CCL16: variants seen among roughly 807,000 people sequenced by gnomAD.
The protein encoded by CCL16 is C-C motif chemokine 16.
In CCL16, 6 loss-of-function variants were observed where a neutral mutation model predicts 7.5. That is an observed-to-expected ratio of 0.80 (90% confidence interval 0.44 to 1.57). CCL16 has a LOEUF of 1.57. Among genes scored for constraint, CCL16 ranks in the 40% most tolerant of loss-of-function variants. CCL16 has a pLI of 0.01. For synonymous variants in CCL16, 60 were observed against 57.7 expected, an observed-to-expected ratio of 1.04 and a Z score of -0.18; for missense variants, 134 against 142.9, an observed-to-expected ratio of 0.94 and a Z score of 0.32.
chr17:35,978,559 G>A (rs750583100), intron 1 of CCL16, among the ~76,000 whole-genome samples: 1 of 150,778 alleles, frequency 6.6e-6, no homozygotes, highest in Non-Finnish European at 1.5e-5. Flanking sequence ...ACTTGATCGG[G>A]CAAACATGTG....
rs2089678637 is a variant in CCL16 at position 35,981,257 on chromosome 17, A to G, written c.76+88T>C. On this transcript the variant is annotated intron_variant, in intron 1 of 2. Coordinates refer to ENST00000611905, the MANE Select transcript of CCL16 (RefSeq NM_004590.4). ...AGCCCACAGGGTCTTATGAGGCCAG[A>G]GACCCGACAGCGCCCTTGGCACTAC... 3 of 850,230 alleles carry G rather than the reference A, an allele frequency of 3.5e-6. No individual in the cohort carries two copies. The Admixed American group carries it at 6.4e-5, about 18-fold the overall frequency. 52.7% of individuals were successfully genotyped at this position (850,230 alleles called of 1,614,324 possible). A position where few individuals can be genotyped will look rare whatever the true frequency, so the allele number is the denominator to read the frequency against.
In CCL16 at chr17:35,976,855, G is replaced by A. The variant is rs182708017; in HGVS notation, c.*711C>T. ...CCAGAAAAATCCATAAAGATGGACA[G>A]GAAAAATCAAGAGTTCTATGGGGCT... is the stretch of plus-strand genomic sequence containing the variant. On this transcript the variant is annotated 3_prime_UTR_variant, in exon 3 of 3. Coordinates refer to ENST00000611905, the MANE Select transcript of CCL16 (RefSeq NM_004590.4). 5 of 152,242 alleles carry A rather than the reference G, an allele frequency of 3.3e-5. No homozygotes were observed. The highest frequency in any genetic ancestry group is 3.3e-4 in the Admixed American group (5 of 15,296). 9.4% of individuals were successfully genotyped at this position (152,242 alleles called of 1,614,324 possible).
Position 35,977,467 on chromosome 17 carries a change from T to C in CCL16, c.*99A>G. 1.0e-6 allele frequency: 1 copy of C among 984,456 alleles called. No individual in the cohort carries two copies. Among genetic ancestry groups the C allele is most frequent in the Non-Finnish European group, 1.5e-6 (1 of 651,766 alleles). The allele number at this position is 984,456 out of a possible 1,614,324, so 61.0% of individuals were successfully genotyped here. On this transcript the variant is annotated 3_prime_UTR_variant, in exon 3 of 3. Coordinates refer to ENST00000611905, the MANE Select transcript of CCL16 (RefSeq NM_004590.4). Reference sequence around the variant, plus strand: ...TATTTTGATCATTGTTCTGCTTCTCTCAATGTGACTGGCTAGTTTCAGCCT... The same window carrying C: ...TATTTTGATCATTGTTCTGCTTCTCCCAATGTGACTGGCTAGTTTCAGCCT...
At chr17:35,980,224 C>A (rs1221965397) in intron 1 of CCL16, 2 of 152,594 alleles carry the variant, frequency 1.3e-5, no homozygotes. Flanking sequence ...GCCAGGGTGA[C>A]CTTAAGAGAG....
At chr17:35,978,665 A>C (rs184518901) in intron 1 of CCL16, among the ~76,000 whole-genome samples, 5 of 152,340 alleles carry the variant, frequency 3.3e-5, no homozygotes, top group Admixed American at 3.3e-4. Context: ...TCAGGGTTGA[A>C]AGAGAAATTG....
chr17:35,980,775 T>C (rs1468321646), intron 1 of CCL16, among the ~76,000 whole-genome samples: 2 of 152,138 alleles, frequency 1.3e-5, no homozygotes, highest in African/African-American at 4.8e-5. Flanking sequence ...CAGATTTTAT[T>C]TAGTCATAGG....
In CCL16 at chr17:35,981,456, G is replaced by A. The variant is rs116077102; in HGVS notation, c.-36C>T. ...AGGCAGTACAGCTTCAGGGAGAGCCGAATGAAGATGTTGTCTGTTGCTGGT... is the reference window on the plus strand; with the variant it reads ...AGGCAGTACAGCTTCAGGGAGAGCCAAATGAAGATGTTGTCTGTTGCTGGT... On this transcript the variant is annotated 5_prime_UTR_variant, in exon 1 of 3. Transcript: ENST00000611905. The A allele has an allele frequency of 1.7e-3, 2,468 of 1,489,518 alleles. 40 individuals carry two copies. The African/African-American group carries it at 0.029, about 18-fold the overall frequency. The allele number at this position is 1,489,518 out of a possible 1,614,324, so 92.3% of individuals were successfully genotyped here. A position where few individuals can be genotyped will look rare whatever the true frequency, so the allele number is the denominator to read the frequency against.
At chr17:35,978,023 C>G (rs547260807) in intron 2 of CCL16, 120 bp downstream of exon 2, 2 of 1,423,060 alleles carry the variant, frequency 1.4e-6, no homozygotes, top group Admixed American at 2.0e-5. Context: ...AGCCAAAGGC[C>G]AAACCCTTAG....
rs776524378 is a variant in CCL16, at chr17:35,978,184, C to A, written c.156G>T (p.Val52=). Residue 52 remains valine, a synonymous_variant, in exon 2 of 3, where the codon GTG becomes GTT. Coordinates refer to ENST00000611905, the MANE Select transcript of CCL16 (RefSeq NM_004590.4). ...YEKVLPRRLV[V]GYRKALNCHL... is the part of the protein sequence containing the mutation. ...GACAGTTGAGGGCCTTTCTGTATCC[C>A]ACCACTAGTCTCCTTGGCAACACTT... is the stretch of plus-strand genomic sequence containing the variant. 2 of 1,614,194 alleles carry A rather than the reference C, an allele frequency of 1.2e-6. No individual in the cohort carries two copies. Among genetic ancestry groups the A allele is most frequent in the Non-Finnish European group, 8.5e-7 (1 of 1,180,026 alleles).
chr17:35,979,889 A>G (rs1463305999), intron 1 of CCL16, among the ~76,000 whole-genome samples: 1 of 152,074 alleles, frequency 6.6e-6, no homozygotes, highest in Non-Finnish European at 1.5e-5. Flanking sequence ...CAGAGTGCAA[A>G]TCTTTTTGTA....
At chr17:35,981,307 C>T (rs1458270735) in intron 1 of CCL16, 38 bp downstream of exon 1, 3 of 1,501,816 alleles carry the variant, frequency 2.0e-6, no homozygotes, top group Admixed American at 1.8e-5. Context: ...CTCCATCCCC[C>T]TTTCTCGTTC....
intron 1 of CCL16, among the ~76,000 whole-genome samples, chr17:35,980,739 C>T (rs2089674886): frequency 6.6e-6 from 1 of 152,132 alleles, no homozygotes; most frequent in Non-Finnish European, 1.5e-5. Flanking sequence ...AGCTCCAAAA[C>T]CTTTCAACCC....
chr17:35,979,981 G>C (rs1026080118), intron 1 of CCL16, among the ~76,000 whole-genome samples: 1 of 152,104 alleles, frequency 6.6e-6, no homozygotes, highest in African/African-American at 2.4e-5. Context: ...CTTTGGGTGG[G>C]CCATTTTCTC....
chr17:35,980,707 C>T (rs1431482055), intron 1 of CCL16, among the ~76,000 whole-genome samples: 1 of 152,158 alleles, frequency 6.6e-6, no homozygotes, highest in Admixed American at 6.5e-5. Context: ...CCTCCATAGG[C>T]CCCAATTCTC....
At chr17:35,977,791 C>A (rs767347374) in intron 2 of CCL16, 60 bp from the exon 3 acceptor site, 3 of 1,553,100 alleles carry the variant, frequency 1.9e-6, no homozygotes, top group Non-Finnish European at 2.6e-6. Flanking sequence ...CCGGTGCCCA[C>A]CCCCACCTCT....
intron 2 of CCL16, 56 bp downstream of exon 2, chr17:35,978,087 C>A (rs1190193977): frequency 6.2e-7 from 1 of 1,610,962 alleles, no homozygotes; most frequent in Non-Finnish European, 8.5e-7. Context: ...GTATCTCATT[C>A]CTGCCCCTGG....
chr17:35,981,466 G>GT lies in CCL16; in HGVS notation c.-47dup, dbSNP rs774388713. ...GCTTCAGGGAGAGCCGAATGAAGAT[G>GT]TTGTCTGTTGCTGGTGGTCCGCTTG... On this transcript the variant is annotated 5_prime_UTR_variant, in exon 1 of 3. Coordinates refer to ENST00000611905, the MANE Select transcript of CCL16 (RefSeq NM_004590.4). The GT allele has an allele frequency of 1.4e-5, 20 of 1,436,622 alleles. No individual in the cohort carries two copies. The highest frequency in any genetic ancestry group is 2.8e-5 in the African/African-American group (2 of 71,500). The allele number at this position is 1,436,622 out of a possible 1,614,324, so 89.0% of individuals were successfully genotyped here.
rs774573988 is a variant in CCL16, at chr17:35,981,464, ATGT to A, written c.-47_-45del. On this transcript the variant is annotated 5_prime_UTR_variant, in exon 1 of 3. Coordinates refer to ENST00000611905, the MANE Select transcript of CCL16 (RefSeq NM_004590.4). ...CAGCTTCAGGGAGAGCCGAATGAAG[ATGT>A]TGTCTGTTGCTGGTGGTCCGCTTGC... 83 of 1,454,520 alleles carry A rather than the reference ATGT, an allele frequency of 5.7e-5. No homozygotes were observed. Among genetic ancestry groups the A allele is most frequent in the Non-Finnish European group, 7.4e-5 (78 of 1,047,794 alleles). 90.1% of individuals were successfully genotyped at this position (1,454,520 alleles called of 1,614,324 possible). A position where few individuals can be genotyped will look rare whatever the true frequency, so the allele number is the denominator to read the frequency against.
At position 35,977,770 on chromosome 17, in the gene CCL16, C is replaced by T. The variant is rs772673314; in HGVS notation, c.198-39G>A. On this transcript the variant is annotated intron_variant, in intron 2 of 2. Coordinates refer to ENST00000611905, the MANE Select transcript of CCL16 (RefSeq NM_004590.4). The stretch of plus-strand genomic sequence containing the variant: ...ATTAGACCGTCATGGGCTGCAGACT[C>T]GGGCAGGAGTCCGGTGCCCACCCCC... 6.3e-6 allele frequency: 10 copies of T among 1,598,454 alleles called. No individual in the cohort carries two copies. In the South Asian group the frequency reaches 9.0e-5, roughly 14 times the overall value.
Sources: gnomAD v4.1 joint callset for allele counts (sites outside exome capture counted in the v4.1 genomes callset) on GRCh38, gnomAD v4.1.1 for gene constraint, MANE v1.5 for transcripts, NCBI Gene and HGNC (gene_info 2026-07-23, HGNC 2026-07-21) for gene names.